NEDD9: variants seen among roughly 807,000 people sequenced by gnomAD.
NEDD9 encodes the protein neural precursor cell expressed, developmentally down-regulated 9, also known as enhancer of filamentation 1.
NEDD9 carries 26 observed loss-of-function variants against 76.6 expected under a neutral mutation model. The observed-to-expected ratio is 0.34, with a 90% CI of 0.25 to 0.47. NEDD9 has a LOEUF of 0.47. NEDD9 is among the 20% of genes least tolerant of loss of function. The pLI, the probability that NEDD9 is intolerant of heterozygous loss-of-function variation, is 1.00. For synonymous variants in NEDD9, 392 were observed against 414.2 expected (o/e 0.95, Z 0.65); for missense variants, 937 against 1,058.5 (o/e 0.89, Z 1.59).
chr6:11,297,786 T>C (rs868418311), intron 3 of NEDD9, among the ~76,000 whole-genome samples: 26 of 152,224 alleles, frequency 1.7e-4, no homozygotes, highest in African/African-American at 6.0e-4. Context: ...ATTCTCATAT[T>C]GTAGATGAAG....
At chr6:11,233,153 CT>C (rs1759531142), upstream of NEDD9, 2 of 493,614 alleles carry the variant, frequency 4.1e-6, no homozygotes, top group African/African-American at 3.9e-5. Context: ...CTCTCTCTCT[CT>C]CTGTCCCTTT....
At chr6:11,219,635 C>T (rs899067452) in intron 1 of NEDD9, among the ~76,000 whole-genome samples, 7 of 152,240 alleles carry the variant, frequency 4.6e-5, no homozygotes, top group African/African-American at 1.4e-4. Context: ...AGTCCTAAGG[C>T]AGGCAGCTGA....
chr6:11,296,634 CTTCCTTCCT>C (rs1481758613), intron 3 of NEDD9, among the ~76,000 whole-genome samples: 4 of 144,710 alleles, frequency 2.8e-5, no homozygotes, highest in African/African-American at 1.0e-4. Flanking sequence ...TTCTTCCTTC[CTTCCTTCCT>C]TTCCTTCCTT....
At position 11,279,000 on chromosome 6, in the gene NEDD9, G is replaced by A. The variant is rs143844042; in HGVS notation, c.12+26992C>T. On this transcript the variant is annotated intron_variant, in intron 3 of 3. Transcript: ENST00000397378. ...TGGGCAAACTACCCCTAGGTCTGCA[G>A]ACATCTTATTATTTTTATTATTACA... Among the ~76,000 whole-genome samples, 7 of 151,880 alleles carry A rather than the reference G, an allele frequency of 4.6e-5. No individual in the cohort carries two copies. The East Asian group carries it at 7.7e-4, about 17-fold the overall frequency.
chr6:11,374,642 T>TA (rs1181335578), intron 1 of NEDD9, among the ~76,000 whole-genome samples: 27 of 152,298 alleles, frequency 1.8e-4, no homozygotes, highest in African/African-American at 6.3e-4. Context: ...AAGGTGAATA[T>TA]AAAAAATACA....
chr6:11,356,133 T>C (rs1237171915), intron 1 of NEDD9, among the ~76,000 whole-genome samples: 4 of 152,202 alleles, frequency 2.6e-5, no homozygotes, highest in Admixed American at 6.5e-5. Context: ...TGTGTTTCAA[T>C]TGAGATCTGC....
intron 1 of NEDD9, among the ~76,000 whole-genome samples, chr6:11,222,021 A>T (rs1759159462): frequency 6.6e-6 from 1 of 152,214 alleles, no homozygotes. Flanking sequence ...AGGAGACCCC[A>T]ATCTACTATA....
At chr6:11,285,226 C>G (rs1760623463) in intron 3 of NEDD9, among the ~76,000 whole-genome samples, 1 of 152,136 alleles carries the variant, frequency 6.6e-6, no homozygotes, top group South Asian at 2.1e-4. Context: ...ATTTTCCTGA[C>G]AGTCTGATAC....
intron 2 of NEDD9, among the ~76,000 whole-genome samples, chr6:11,333,273 T>C (rs886991473): frequency 6.6e-6 from 1 of 152,176 alleles, no homozygotes; most frequent in Non-Finnish European, 1.5e-5. Context: ...AGGTTGTGTT[T>C]CAATCAGAAG....
intron 4 of NEDD9, among the ~76,000 whole-genome samples, chr6:11,191,557 A>G (rs1452344962): frequency 6.6e-6 from 1 of 152,096 alleles, no homozygotes; most frequent in Non-Finnish European, 1.5e-5. Flanking sequence ...TTTGGTTATC[A>G]CACCAGCTGT....
At chr6:11,371,091 A>G (rs1762866077) in intron 1 of NEDD9, among the ~76,000 whole-genome samples, 1 of 152,144 alleles carries the variant, frequency 6.6e-6, no homozygotes, top group Non-Finnish European at 1.5e-5. Flanking sequence ...CAAAGAGGCC[A>G]CTTAGCTCCT....
Position 11,221,640 on chromosome 6 carries a change from C to T in NEDD9, c.13-7913G>A, listed in dbSNP as rs552153104. ...TCCCCACCGGACAAGGATGCCCTTC[C>T]TGAGAATCTTCTCCATCTTAGAAGT... On this transcript the variant is annotated intron_variant, in intron 1 of 6. Transcript: ENST00000379446. Among the ~76,000 whole-genome samples, 4 of 152,252 alleles carry T rather than the reference C, an allele frequency of 2.6e-5. No individual in the cohort carries two copies. The East Asian group carries it at 7.7e-4, about 29-fold the overall frequency.
intron 3 of NEDD9, among the ~76,000 whole-genome samples, chr6:11,278,232 C>T (rs747081976): frequency 6.6e-5 from 10 of 152,202 alleles, no homozygotes; most frequent in South Asian, 2.1e-4. Flanking sequence ...GCACCTCTGC[C>T]TCTCCTCCTT....
chr6:11,324,379 C>G (rs1761877935), intron 2 of NEDD9, among the ~76,000 whole-genome samples: 1 of 152,104 alleles, frequency 6.6e-6, no homozygotes, highest in Non-Finnish European at 1.5e-5. Context: ...GGTCTGGATG[C>G]CTGGTGTTCC....
At chr6:11,283,290 T>G (rs1054628341) in intron 3 of NEDD9, among the ~76,000 whole-genome samples, 1 of 152,254 alleles carries the variant, frequency 6.6e-6, no homozygotes, top group African/African-American at 2.4e-5. Flanking sequence ...GTTTATTTGC[T>G]GATTACCTGT....
intron 3 of NEDD9, among the ~76,000 whole-genome samples, chr6:11,293,299 A>G (rs964537510): frequency 6.6e-6 from 1 of 152,184 alleles, no homozygotes; most frequent in East Asian, 1.9e-4. Flanking sequence ...AAGAAATATT[A>G]GCAAACAGCA....
intron 1 of NEDD9, among the ~76,000 whole-genome samples, chr6:11,229,485 C>T (rs1759405511): frequency 6.6e-6 from 1 of 152,074 alleles, no homozygotes; most frequent in African/African-American, 2.4e-5. Context: ...CCATCACCCT[C>T]CTGGGAAACA....
chr6:11,337,387 A>G (rs1405892902), intron 1 of NEDD9, among the ~76,000 whole-genome samples: 2 of 152,266 alleles, frequency 1.3e-5, no homozygotes, highest in Non-Finnish European at 2.9e-5. Context: ...GTAATTCACT[A>G]TCATCAAATA....
intron 1 of NEDD9, among the ~76,000 whole-genome samples, chr6:11,223,451 T>C (rs1186725852): frequency 6.6e-6 from 1 of 151,182 alleles, no homozygotes; most frequent in Non-Finnish European, 1.5e-5. Context: ...TCTTAAGAAC[T>C]GTACTCCTCC....
Sources: gnomAD v4.1 joint callset for allele counts (sites outside exome capture counted in the v4.1 genomes callset) on GRCh38, gnomAD v4.1.1 for gene constraint, MANE v1.5 for transcripts, NCBI Gene and HGNC (gene_info 2026-07-23, HGNC 2026-07-21) for gene names.